Variants in SUMF1 observed in about 807,000 individuals in gnomAD.
SUMF1 encodes the protein formylglycine-generating enzyme.
A neutral mutation model predicts 47.6 loss-of-function variants in SUMF1; 48 were observed. The ratio of observed to expected loss-of-function variants is 1.01; its 90% CI spans 0.80 to 1.28. SUMF1 has a LOEUF of 1.28. Among genes scored for constraint, SUMF1 ranks in the 50% most tolerant of loss-of-function variants. SUMF1 has a pLI of 0.00. For synonymous variants in SUMF1, 230 were observed against 192.1 expected (o/e 1.20, Z -1.63); for missense variants, 571 against 485.4 (o/e 1.18, Z -1.66).
At chr3:4,387,787 C>T (rs935342343) in intron 7 of SUMF1, among the ~76,000 whole-genome samples, 1 of 152,006 alleles carries the variant, frequency 6.6e-6, no homozygotes, top group Admixed American at 6.6e-5. Flanking sequence ...TCATTCAGTT[C>T]AGTGCACTGT....
chr3:4,464,959 T>C (rs760311613), intron 1 of SUMF1, among the ~76,000 whole-genome samples: 2 of 152,220 alleles, frequency 1.3e-5, no homozygotes, highest in Non-Finnish European at 2.9e-5. Context: ...AACCACTCTA[T>C]AGGGATGAAA....
chr3:4,159,395 A>G (rs1182798107), intron 8 of SUMF1, among the ~76,000 whole-genome samples: 1 of 149,266 alleles, frequency 6.7e-6, no homozygotes, highest in Non-Finnish European at 1.5e-5. Context: ...CACTGATTGC[A>G]TAAACAAACT....
At chr3:4,393,231 C>G (rs1445208356) in intron 7 of SUMF1, among the ~76,000 whole-genome samples, 1 of 152,166 alleles carries the variant, frequency 6.6e-6, no homozygotes, top group African/African-American at 2.4e-5. Flanking sequence ...TTTTAGCTGA[C>G]AAAGCCACAG....
chr3:4,228,847 G>A (rs1317782892), intron 8 of SUMF1, among the ~76,000 whole-genome samples: 1 of 152,050 alleles, frequency 6.6e-6, no homozygotes, highest in East Asian at 1.9e-4. Context: ...CAGGCACCAA[G>A]AGGAGCCCCT....
rs538117844 is a variant in SUMF1 at position 4,211,207 on chromosome 3, T to C, written c.1015-142462A>G. 1.4e-3 allele frequency among the ~76,000 whole-genome samples: 181 copies of C among 125,692 alleles called. 4 individuals are homozygous for C. Among genetic ancestry groups the C allele is most frequent in the Middle Eastern group, 3.8e-3 (1 of 264 alleles). 82.5% of individuals were successfully genotyped at this position (125,692 alleles called of 152,430 possible). The stretch of plus-strand genomic sequence containing the variant: ...ACATATACATATACATACATACATA[T>C]ATATATATATATATATATATCCTAT... On this transcript the variant is annotated intron_variant and NMD_transcript_variant, in intron 8 of 12. Coordinates refer to the SUMF1 transcript ENST00000448413.
chr3:4,264,158 T>C (rs1697141889), intron 8 of SUMF1, among the ~76,000 whole-genome samples: 1 of 152,150 alleles, frequency 6.6e-6, no homozygotes, highest in South Asian at 2.1e-4. Flanking sequence ...AGCAATCATC[T>C]GAAATTGGGA....
intron 8 of SUMF1, among the ~76,000 whole-genome samples, chr3:4,125,159 C>T (rs1693628053): frequency 6.6e-6 from 1 of 152,024 alleles, no homozygotes; most frequent in Admixed American, 6.5e-5. Flanking sequence ...TAAAGCTGTG[C>T]TGTACAATAC....
intron 6 of SUMF1, among the ~76,000 whole-genome samples, chr3:4,412,730 C>A (rs1354071031): frequency 6.6e-6 from 1 of 151,718 alleles, no homozygotes; most frequent in Non-Finnish European, 1.5e-5. Flanking sequence ...CTAAAAATAC[C>A]AAAAAAATTA....
At chr3:4,434,159 G>A (rs542143171) in intron 3 of SUMF1, among the ~76,000 whole-genome samples, 3 of 152,314 alleles carry the variant, frequency 2.0e-5, no homozygotes, top group South Asian at 2.1e-4. Context: ...TACAGCTTCT[G>A]TTTATAATGA....
intron 8 of SUMF1, among the ~76,000 whole-genome samples, chr3:4,093,958 G>C (rs557906738): frequency 7.9e-5 from 12 of 152,082 alleles, no homozygotes; most frequent in African/African-American, 2.4e-4. Flanking sequence ...ATCCAAAATG[G>C]GAATTGGAAA....
intron 8 of SUMF1, among the ~76,000 whole-genome samples, chr3:4,179,842 T>G (rs1219706213): frequency 6.6e-6 from 1 of 151,794 alleles, no homozygotes; most frequent in Non-Finnish European, 1.5e-5. Flanking sequence ...CAAACAAATT[T>G]ACAAGAAAAA....
intron 8 of SUMF1, chr3:4,313,196 G>T (rs769267304): frequency 6.2e-7 from 1 of 1,613,936 alleles, no homozygotes; most frequent in South Asian, 1.1e-5. Flanking sequence ...AAAGGCTGGG[G>T]ACTTCGTACC....
intron 8 of SUMF1, among the ~76,000 whole-genome samples, chr3:4,118,208 C>T (rs2874822): frequency 0.39 from 58,791 of 151,718 alleles, 11,771 homozygotes; most frequent in Non-Finnish European, 0.43. Context: ...CTAGCTTTGC[C>T]TCTCTTTATT....
intron 4 of SUMF1, among the ~76,000 whole-genome samples, chr3:4,419,098 T>G (rs189870054): frequency 1.5e-3 from 222 of 152,356 alleles, no homozygotes; most frequent in Admixed American, 3.7e-3. Flanking sequence ...TCCATCGGTG[T>G]TGACTGCATG....
chr3:4,329,337 C>A (rs931108103), intron 8 of SUMF1, among the ~76,000 whole-genome samples: 1 of 152,230 alleles, frequency 6.6e-6, no homozygotes, highest in Non-Finnish European at 1.5e-5. Context: ...TCTGCCCCTG[C>A]AGCATACTTC....
At chr3:4,354,259 G>A (rs1575122966) in intron 8 of SUMF1, among the ~76,000 whole-genome samples, 1 of 152,156 alleles carries the variant, frequency 6.6e-6, no homozygotes, top group Non-Finnish European at 1.5e-5. Flanking sequence ...TAAACAATGA[G>A]GCAGAACTAC....
chr3:4,081,931 T>C (rs754675641), intron 8 of SUMF1, among the ~76,000 whole-genome samples: 6 of 152,156 alleles, frequency 3.9e-5, no homozygotes, highest in Non-Finnish European at 5.9e-5. Context: ...TCCATTGTTG[T>C]TGAACACATA....
Position 4,406,235 on chromosome 3 carries a change from C to A in SUMF1, c.954+4630G>T, listed in dbSNP as rs76579528. ...CAAATTAAATGTCACACAATTTCAT[C>A]CAGTATAATTATTTCTAATTTGTAG... On this transcript the variant is annotated intron_variant, in intron 7 of 8. Coordinates refer to ENST00000272902, the MANE Select transcript of SUMF1 (RefSeq NM_182760.4). 2.9e-3 allele frequency among the ~76,000 whole-genome samples: 441 copies of A among 152,240 alleles called. 2 individuals carry two copies. The highest frequency in any genetic ancestry group is 0.01 in the African/African-American group (424 of 41,530).
intron 8 of SUMF1, among the ~76,000 whole-genome samples, chr3:4,237,256 G>T (rs313630): frequency 0.17 from 26,209 of 152,044 alleles, 2,661 homozygotes; most frequent in South Asian, 0.38. Context: ...CAGCAGTGAA[G>T]GAGTTCCTGT....
Sources: gnomAD v4.1 joint callset for allele counts (sites outside exome capture counted in the v4.1 genomes callset) on GRCh38, gnomAD v4.1.1 for gene constraint, MANE v1.5 for transcripts, NCBI Gene and HGNC (gene_info 2026-07-23, HGNC 2026-07-21) for gene names.